Variants in QTMAN observed in about 807,000 individuals in gnomAD.
QTMAN encodes the protein tRNA-queuosine alpha-mannosyltransferase.
chr2:144,066,151 CCTT>C, the QTMAN span, among the ~76,000 whole-genome samples: 2 of 151,662 alleles, frequency 1.3e-5, no homozygotes, highest in Non-Finnish European at 1.5e-5. Flanking sequence ...ATTCTTTCTT[CCTT>C]TTCTTTTTTT....
the QTMAN span, among the ~76,000 whole-genome samples, chr2:144,084,819 ATACATAGTATTG>A: frequency 1.4e-4 from 21 of 152,160 alleles, no homozygotes; most frequent in African/African-American, 5.1e-4. Context: ...CATGACATTT[ATACATAGTATTG>A]CTTTCAGGTC....
chr2:143,972,832 C>T, the QTMAN span, among the ~76,000 whole-genome samples: 2 of 152,156 alleles, frequency 1.3e-5, no homozygotes, highest in Non-Finnish European at 2.9e-5. Flanking sequence ...TATAAAGTCT[C>T]TCTTATTAAT....
At chr2:144,167,765 C>T in the QTMAN span, among the ~76,000 whole-genome samples, 5 of 152,058 alleles carry the variant, frequency 3.3e-5, no homozygotes, top group African/African-American at 9.7e-5. Flanking sequence ...ACCCAGCCTT[C>T]GGTATTTCTT....
At chr2:143,963,050 G>C in the QTMAN span, among the ~76,000 whole-genome samples, 25 of 151,998 alleles carry the variant, frequency 1.6e-4, no homozygotes, top group African/African-American at 6.0e-4. Flanking sequence ...ATTTGATTTA[G>C]TATTTATTTC....
chr2:143,990,090 C>T, the QTMAN span, among the ~76,000 whole-genome samples: 7,489 of 151,656 alleles, frequency 0.049, 243 homozygotes, highest in Middle Eastern at 0.12. Context: ...GCCAGGGTTA[C>T]GCACCACTGT....
the QTMAN span, among the ~76,000 whole-genome samples, chr2:144,102,962 C>T: frequency 6.6e-6 from 1 of 152,178 alleles, no homozygotes; most frequent in Non-Finnish European, 1.5e-5. Context: ...GTCCCTCCCT[C>T]CCACCACTTT....
At chr2:144,196,307 G>A in the QTMAN span, among the ~76,000 whole-genome samples, 2 of 151,254 alleles carry the variant, frequency 1.3e-5, no homozygotes, top group East Asian at 3.9e-4. Context: ...ATTTCTCATT[G>A]TATTTAAATT....
At chr2:144,080,160 A>G in the QTMAN span, among the ~76,000 whole-genome samples, 8 of 152,262 alleles carry the variant, frequency 5.3e-5, no homozygotes, top group African/African-American at 1.9e-4. Flanking sequence ...CAATAAATGT[A>G]TATTTTCAAA....
the QTMAN span, among the ~76,000 whole-genome samples, chr2:144,330,465 A>T: frequency 1.3e-5 from 2 of 152,210 alleles, no homozygotes; most frequent in Non-Finnish European, 2.9e-5. Context: ...CCATAACTCT[A>T]AGACTCTTAA....
the QTMAN span, among the ~76,000 whole-genome samples, chr2:144,156,781 T>C: frequency 6.6e-6 from 1 of 152,128 alleles, no homozygotes; most frequent in Non-Finnish European, 1.5e-5. Flanking sequence ...ACTGGAGTCA[T>C]TCAACACAAC....
the QTMAN span, among the ~76,000 whole-genome samples, chr2:144,133,149 A>ATG: frequency 1.9e-5 from 1 of 53,834 alleles, no homozygotes; most frequent in Non-Finnish European, 2.8e-5. Flanking sequence ...ATATATATAT[A>ATG]TAATATAATA....
the QTMAN span, among the ~76,000 whole-genome samples, chr2:144,201,232 G>C: frequency 1.1e-3 from 163 of 152,292 alleles, no homozygotes; most frequent in African/African-American, 3.8e-3. Context: ...CGAAACTTTA[G>C]CTGACTTGAG....
the QTMAN span, among the ~76,000 whole-genome samples, chr2:143,963,281 A>C: frequency 2.2e-4 from 33 of 152,130 alleles, no homozygotes; most frequent in Non-Finnish European, 4.1e-4. Flanking sequence ...TGTTGATGCT[A>C]TTGCAAACCT....
the QTMAN span, among the ~76,000 whole-genome samples, chr2:144,276,943 T>A: frequency 1.3e-5 from 2 of 152,188 alleles, no homozygotes; most frequent in Non-Finnish European, 2.9e-5. Context: ...TGATTTACAA[T>A]CATATTGTTA....
At chr2:144,145,048 A>G in the QTMAN span, among the ~76,000 whole-genome samples, 1 of 151,286 alleles carries the variant, frequency 6.6e-6, no homozygotes, top group Non-Finnish European at 1.5e-5. Context: ...GACTCAACGA[A>G]GGAAAAAAGA....
chr2:144,280,703 C>T, the QTMAN span, among the ~76,000 whole-genome samples: 1 of 151,806 alleles, frequency 6.6e-6, no homozygotes, highest in Non-Finnish European at 1.5e-5. Flanking sequence ...AATGCAGATG[C>T]TAGGGAGAAA....
the QTMAN span, among the ~76,000 whole-genome samples, chr2:144,251,345 A>G: frequency 1.3e-5 from 2 of 152,208 alleles, no homozygotes; most frequent in African/African-American, 4.8e-5. Flanking sequence ...TCAATGGAAC[A>G]GAAGAGAGAG....
At chr2:144,097,612 C>T in the QTMAN span, among the ~76,000 whole-genome samples, 4 of 152,122 alleles carry the variant, frequency 2.6e-5, no homozygotes, top group Middle Eastern at 3.2e-3. Context: ...TACACATGTG[C>T]AACCACTGCA....
chr2:144,211,558 T>TA, the QTMAN span: 1 of 152,644 alleles, frequency 6.6e-6, no homozygotes, highest in Non-Finnish European at 1.5e-5. Flanking sequence ...CGTTCTTCCC[T>TA]ATGGTCTTCT....
Sources: allele counts gnomAD v4.1 joint callset (sites outside exome capture counted in the v4.1 genomes callset), GRCh38; gene constraint gnomAD v4.1.1; transcripts MANE v1.5; gene names NCBI Gene and HGNC (gene_info 2026-07-23, HGNC 2026-07-21).